Variants in SLC44A5 observed in about 807,000 individuals in gnomAD.
SLC44A5 encodes the protein choline transporter-like protein 5.
SLC44A5 carries 57 observed loss-of-function variants against 101.8 expected under a neutral mutation model. The observed-to-expected ratio is 0.56, with a 90% CI of 0.45 to 0.70. SLC44A5 has a LOEUF of 0.70. SLC44A5 is among the 30% of genes least tolerant of loss of function. SLC44A5 has a pLI of 0.00. For synonymous variants in SLC44A5, 281 were observed against 290.9 expected, an observed-to-expected ratio of 0.97 and a Z score of 0.35; for missense variants, 737 against 853.1, an observed-to-expected ratio of 0.86 and a Z score of 1.70.
intron 12 of SLC44A5, among the ~76,000 whole-genome samples, chr1:75,233,549 T>A (rs1453316885): frequency 6.6e-6 from 1 of 152,180 alleles, no homozygotes; most frequent in Admixed American, 6.6e-5. Flanking sequence ...TACCAATTAT[T>A]AAACGGTGTG....
At chr1:75,676,337 A>G in the SLC44A5 span, among the ~76,000 whole-genome samples, 1 of 152,250 alleles carries the variant, frequency 6.6e-6, no homozygotes, top group African/African-American at 2.4e-5. Context: ...AAAATGTGGT[A>G]CATATAGACC....
the SLC44A5 span, among the ~76,000 whole-genome samples, chr1:75,654,312 AAACT>A: frequency 6.6e-6 from 1 of 152,364 alleles, no homozygotes; most frequent in African/African-American, 2.4e-5. Context: ...AAGATAAAAT[AAACT>A]AACATTACTT....
chr1:75,329,005 CA>C (rs34387069), intron 4 of SLC44A5, among the ~76,000 whole-genome samples: 1 of 152,098 alleles, frequency 6.6e-6, no homozygotes, highest in African/African-American at 2.4e-5. Flanking sequence ...GAAAGAGGAT[CA>C]AAAAACTACC....
At chr1:75,713,347 C>T in the SLC44A5 span, among the ~76,000 whole-genome samples, 2 of 152,186 alleles carry the variant, frequency 1.3e-5, no homozygotes, top group Admixed American at 6.5e-5. Context: ...TCCATAATGT[C>T]TACCAATCTA....
the SLC44A5 span, among the ~76,000 whole-genome samples, chr1:75,709,578 C>T: frequency 6.6e-6 from 1 of 152,108 alleles, no homozygotes; most frequent in Non-Finnish European, 1.5e-5. Context: ...TCTACAGTTA[C>T]GGAAAAGCAT....
chr1:75,408,121 G>A (rs1408788673), intron 2 of SLC44A5, among the ~76,000 whole-genome samples: 1 of 152,104 alleles, frequency 6.6e-6, no homozygotes, highest in Non-Finnish European at 1.5e-5. Flanking sequence ...AAAGCTCATT[G>A]TCGCTGGTCA....
At chr1:75,265,086 C>T (rs1557595710) in intron 6 of SLC44A5, among the ~76,000 whole-genome samples, 4 of 152,072 alleles carry the variant, frequency 2.6e-5, no homozygotes, top group Non-Finnish European at 5.9e-5. Context: ...AGACCAATAA[C>T]AAATAATGAG....
intron 19 of SLC44A5, among the ~76,000 whole-genome samples, chr1:75,215,261 TA>T (rs10711490): frequency 0.88 from 134,062 of 151,884 alleles, 59,382 homozygotes; most frequent in East Asian, 0.99. Flanking sequence ...TCCCTTATGT[TA>T]AAAAAAAATA....
At chr1:75,578,474 T>C (rs1432109156) in intron 1 of SLC44A5, among the ~76,000 whole-genome samples, 1 of 152,158 alleles carries the variant, frequency 6.6e-6, no homozygotes, top group African/African-American at 2.4e-5. Context: ...TTCAGTCTTA[T>C]AAAAAGAAGG....
At chr1:75,343,777 C>T (rs911530636) in intron 3 of SLC44A5, among the ~76,000 whole-genome samples, 5 of 152,110 alleles carry the variant, frequency 3.3e-5, no homozygotes, top group African/African-American at 7.2e-5. Flanking sequence ...TACTTAAGTA[C>T]GTGTTTTGTT....
chr1:75,408,081 A>G (rs1663018378), intron 2 of SLC44A5, among the ~76,000 whole-genome samples: 1 of 152,214 alleles, frequency 6.6e-6, no homozygotes, highest in Admixed American at 6.5e-5. Flanking sequence ...TCAGAAAAAG[A>G]CATTTATGTG....
the SLC44A5 span, among the ~76,000 whole-genome samples, chr1:75,644,900 C>T: frequency 4.8e-5 from 7 of 147,136 alleles, no homozygotes; most frequent in Admixed American, 4.9e-4. Flanking sequence ...GGTTTTTTGT[C>T]CTTGCTGAGA....
intron 1 of SLC44A5, among the ~76,000 whole-genome samples, chr1:75,556,974 T>C (rs1400092660): frequency 6.6e-6 from 1 of 152,146 alleles, no homozygotes; most frequent in Non-Finnish European, 1.5e-5. Context: ...AGGGTCATAC[T>C]GGCTGAATCC....
the SLC44A5 span, among the ~76,000 whole-genome samples, chr1:75,670,543 A>C: frequency 6.6e-6 from 1 of 152,222 alleles, no homozygotes. Flanking sequence ...TTATATAAAT[A>C]TGCTTAATAA....
the SLC44A5 span, among the ~76,000 whole-genome samples, chr1:75,695,806 A>T: frequency 6.7e-6 from 1 of 148,352 alleles, no homozygotes; most frequent in Admixed American, 6.8e-5. Flanking sequence ...TACTGTATGA[A>T]TTAAATATAT....
chr1:75,336,666 T>A (rs1657468480), intron 4 of SLC44A5, among the ~76,000 whole-genome samples: 1 of 152,156 alleles, frequency 6.6e-6, no homozygotes, highest in Non-Finnish European at 1.5e-5. Flanking sequence ...GTCAAGCAAA[T>A]GGTCATACAA....
intron 2 of SLC44A5, among the ~76,000 whole-genome samples, chr1:75,416,271 A>G (rs1663637210): frequency 1.3e-5 from 2 of 152,056 alleles, no homozygotes; most frequent in Non-Finnish European, 2.9e-5. Context: ...GAAAGGGGCC[A>G]ATGTAGAGTT....
At chr1:75,408,880 G>T (rs550069203) in intron 2 of SLC44A5, among the ~76,000 whole-genome samples, 211 of 151,990 alleles carry the variant, frequency 1.4e-3, no homozygotes, top group Non-Finnish European at 2.8e-3. Context: ...CACTACACAG[G>T]TACTGTCACT....
chr1:75,479,225 C>G (rs998162875), intron 2 of SLC44A5, among the ~76,000 whole-genome samples: 4 of 152,102 alleles, frequency 2.6e-5, no homozygotes, highest in Admixed American at 1.3e-4. Context: ...CACAACATAC[C>G]AGAATGTCTG....
Sources: allele counts gnomAD v4.1 joint callset (sites outside exome capture counted in the v4.1 genomes callset), GRCh38; gene constraint gnomAD v4.1.1; transcripts MANE v1.5; gene names NCBI Gene and HGNC (gene_info 2026-07-23, HGNC 2026-07-21).